The following EVC variants were observed in gnomAD, a reference collection of about 807,000 sequenced individuals.
The protein encoded by EVC is EvC ciliary complex subunit 1.
In EVC, 116 loss-of-function variants were observed where a neutral mutation model predicts 118.9. That is an observed-to-expected ratio of 0.98 (90% CI 0.84 to 1.14). The LOEUF is 1.14. Ranked by LOEUF, EVC falls within the 50% of genes most tolerant of loss-of-function variation. EVC has a pLI of 0.00. For synonymous variants in EVC, 619 were observed against 534.7 expected (o/e 1.16, Z -2.18); for missense variants, 1,401 against 1,246.4 (o/e 1.12, Z -1.87).
At chr4:5,733,527 G>A in intron 5 of EVC, 92 bp downstream of exon 5, 1 of 1,100,238 alleles carries the variant, frequency 9.1e-7, no homozygotes, top group Admixed American at 1.7e-5. Flanking sequence ...AGACCCTTGA[G>A]AGGCAGACAT....
chr4:5,748,887 T>C (rs1393928496), intron 8 of EVC, among the ~76,000 whole-genome samples: 1 of 152,106 alleles, frequency 6.6e-6, no homozygotes, highest in African/African-American at 2.4e-5. Context: ...AATTACACAT[T>C]GAAATTATCT....
chr4:5,775,734 C>T (rs559157805), intron 11 of EVC, among the ~76,000 whole-genome samples: 18 of 152,222 alleles, frequency 1.2e-4, no homozygotes, highest in African/African-American at 3.1e-4. Flanking sequence ...CACTGGCTGA[C>T]GTGAACTTTC....
intron 7 of EVC, among the ~76,000 whole-genome samples, chr4:5,747,270 C>G (rs896432701): frequency 6.6e-6 from 1 of 152,002 alleles, no homozygotes; most frequent in South Asian, 2.1e-4. Context: ...TCTGGTGACA[C>G]TAACCCCTGC....
Position 5,743,084 on chromosome 4 carries a change from T to C in EVC, c.801+1270T>C, listed in dbSNP as rs753486058. Among the ~76,000 whole-genome samples the C allele has an allele frequency of 5.3e-5, 8 of 152,240 alleles. No individual in the cohort carries two copies. Among genetic ancestry groups the C allele is most frequent in the Admixed American group, 1.3e-4 (2 of 15,286 alleles). On this transcript the variant is annotated intron_variant, in intron 6 of 20. Transcript: ENST00000264956. This position sits in a 1 kb window ranked among gnomAD's most constrained non-coding sequence, Gnocchi z 4.7. Reference sequence around the variant, plus strand: ...AAAAAGGGGACAGTAACTTCTGGGTTGTTGCCATGGAAAAGGGTGGTAACT... The same window carrying C: ...AAAAAGGGGACAGTAACTTCTGGGTCGTTGCCATGGAAAAGGGTGGTAACT...
intron 8 of EVC, among the ~76,000 whole-genome samples, chr4:5,751,226 C>G (rs1362761431): frequency 6.6e-6 from 1 of 152,222 alleles, no homozygotes; most frequent in African/African-American, 2.4e-5. Flanking sequence ...AGCTTGTGCT[C>G]AGGTCCTGGG....
In EVC at chr4:5,758,241, C is replaced by G. The variant is rs566565744; in HGVS notation, c.1563+1879C>G. 787 of 642,258 alleles carry G rather than the reference C, an allele frequency of 1.2e-3. 3 individuals are homozygous for G. Among genetic ancestry groups the G allele is most frequent in the Non-Finnish European group, 1.9e-3 (672 of 362,816 alleles). The allele number at this position is 642,258 out of a possible 1,614,324, so 39.8% of individuals were successfully genotyped here. ...CAGAGCCTTTGGAGGGGGCGAGGCTCTGCCAACACCTTGGTTTCATACTAA... is the reference window on the plus strand; with the variant it reads ...CAGAGCCTTTGGAGGGGGCGAGGCTGTGCCAACACCTTGGTTTCATACTAA... On this transcript the variant is annotated intron_variant, in intron 11 of 20. Coordinates refer to ENST00000264956, the MANE Select transcript of EVC (RefSeq NM_153717.3).
the EVC span, chr4:5,828,426 C>T: frequency 6.3e-7 from 1 of 1,575,976 alleles, no homozygotes; most frequent in Non-Finnish European, 8.6e-7. Context: ...GATCTCGATT[C>T]CCCAAGAGAC....
rs58780583 is a variant in EVC at position 5,789,764 on chromosome 4, C to T, written c.1777-3844C>T. 1.3e-5 allele frequency among the ~76,000 whole-genome samples: 2 copies of T among 152,228 alleles called. No individual in the cohort carries two copies. The highest frequency in any genetic ancestry group is 2.9e-5 in the Non-Finnish European group (2 of 68,050). Reference sequence around the variant, plus strand: ...TTTATGTAACAGCTGCAGGCACCATCTGGTCCAGAGATCTTGACCTTATCG... The same window carrying T: ...TTTATGTAACAGCTGCAGGCACCATTTGGTCCAGAGATCTTGACCTTATCG... On this transcript the variant is annotated intron_variant, in intron 12 of 20. Coordinates refer to ENST00000264956, the MANE Select transcript of EVC (RefSeq NM_153717.3). The surrounding 1 kb of genome is among the most constrained non-coding windows in gnomAD (Gnocchi z 4.3).
At chr4:5,807,194 C>T (rs1219138189) in intron 17 of EVC, among the ~76,000 whole-genome samples, 1 of 152,124 alleles carries the variant, frequency 6.6e-6, no homozygotes, top group African/African-American at 2.4e-5. Context: ...GTCTCAGAAC[C>T]CAGCACAGCA....
chr4:5,748,100 T>C, intron 7 of EVC, 48 bp from the exon 8 acceptor site: 1 of 1,611,778 alleles, frequency 6.2e-7, no homozygotes, highest in Non-Finnish European at 8.5e-7. Flanking sequence ...TTGGCTTTCT[T>C]AAGTAAGTTT....
intron 11 of EVC, among the ~76,000 whole-genome samples, chr4:5,778,948 T>C (rs1427837143): frequency 2.0e-5 from 3 of 152,130 alleles, no homozygotes; most frequent in African/African-American, 7.2e-5. Context: ...TGCCTAGGTT[T>C]TCTTCTAGGG....
chr4:5,808,134 C>A, intron 17 of EVC, 67 bp from the exon 18 acceptor site: 1 of 497,926 alleles, frequency 2.0e-6, no homozygotes, highest in South Asian at 1.7e-5. Flanking sequence ...CTTCCTTCTC[C>A]CTCCCTCCCT....
At chr4:5,713,175 G>C (rs554001859) in intron 1 of EVC, among the ~76,000 whole-genome samples, 97 of 152,340 alleles carry the variant, frequency 6.4e-4, no homozygotes, top group Non-Finnish European at 9.8e-4. Context: ...TGGTGGCTCA[G>C]ACCAGGGTGG....
intron 2 of EVC, among the ~76,000 whole-genome samples, chr4:5,722,186 G>C (rs1005750719): frequency 2.6e-5 from 4 of 152,164 alleles, no homozygotes; most frequent in African/African-American, 9.7e-5. Context: ...CCATTCCCGA[G>C]TCACCCAGGG....
the EVC span, chr4:5,826,958 A>C: frequency 0.11 from 16,257 of 152,424 alleles, 1,798 homozygotes; most frequent in African/African-American, 0.28. Context: ...CCTGGGCCTC[A>C]CTGTATCCTG....
At chr4:5,764,604 T>A (rs1481488538) in intron 11 of EVC, among the ~76,000 whole-genome samples, 2 of 149,796 alleles carry the variant, frequency 1.3e-5, no homozygotes, top group Non-Finnish European at 3.0e-5. Context: ...TATTCAGAGA[T>A]TCAACTTCTT....
rs779825975 is a variant in EVC at position 5,731,696 on chromosome 4, C to T, written c.617+39C>T. 6.4e-7 allele frequency: 1 copy of T among 1,570,778 alleles called. No individual in the cohort carries two copies. The highest frequency in any genetic ancestry group is 2.3e-5 in the East Asian group (1 of 43,682). ...GCAATGGAGGATGAGGCTTCCAGTC[C>T]TCTTGGAGTGGGCCGGGAGTCACAT... is the stretch of plus-strand genomic sequence containing the variant. On this transcript the variant is annotated intron_variant, in intron 4 of 20. Coordinates refer to ENST00000264956, the MANE Select transcript of EVC (RefSeq NM_153717.3). The surrounding 1 kb of genome is among the most constrained non-coding windows in gnomAD (Gnocchi z 5.6).
At chr4:5,724,700 ATTT>A (rs36029145) in intron 2 of EVC, among the ~76,000 whole-genome samples, 1 of 144,816 alleles carries the variant, frequency 6.9e-6, no homozygotes, top group Non-Finnish European at 1.5e-5. Context: ...TTTCCCTGTT[ATTT>A]TTTTTTTTTT....
the EVC span, chr4:5,825,720 G>C: frequency 6.4e-7 from 1 of 1,551,794 alleles, no homozygotes; most frequent in Non-Finnish European, 8.8e-7. The surrounding 1 kb of genome is among the most constrained non-coding windows in gnomAD (Gnocchi z 4.4). Flanking sequence ...CTTCTGGGCA[G>C]ATAAAGCAGA....
Sources: gnomAD v4.1 joint callset for allele counts (sites outside exome capture counted in the v4.1 genomes callset) on GRCh38, gnomAD v4.1.1 for gene constraint, Gnocchi (gnomAD v3.1) non-coding constraint, MANE v1.5 for transcripts, NCBI Gene and HGNC (gene_info 2026-07-23, HGNC 2026-07-21) for gene names.